The following RELN variants were observed in gnomAD, a reference collection of about 807,000 sequenced individuals.
The protein encoded by RELN is reelin.
A neutral mutation model predicts 427.6 loss-of-function variants in RELN; 108 were observed. That is an observed-to-expected ratio of 0.25 (90% CI 0.22 to 0.30). The LOEUF is 0.30. RELN is among the 10% of genes least tolerant of loss of function. The pLI is 1.00. For missense variants in RELN, 3,715 were observed against 4,302.8 expected, an observed-to-expected ratio of 0.86 and a Z score of 3.82; for synonymous variants, 1,524 against 1,513.4, an observed-to-expected ratio of 1.01 and a Z score of -0.16.
At chr7:103,794,537 G>GCAA (rs1262345969) in intron 3 of RELN, among the ~76,000 whole-genome samples, 1 of 152,002 alleles carries the variant, frequency 6.6e-6, no homozygotes, top group East Asian at 1.9e-4. Context: ...TATCTAAGTT[G>GCAA]CAACAACAAC....
intron 3 of RELN, among the ~76,000 whole-genome samples, chr7:103,807,103 G>A (rs750823523): frequency 6.6e-6 from 1 of 152,186 alleles, no homozygotes; most frequent in African/African-American, 2.4e-5. Context: ...AGCTTTAAAT[G>A]GCAACTGAGA....
rs1831730610 is a variant in RELN at position 103,603,533 on chromosome 7, T to C, written c.3147-43A>G. 4 of 1,475,256 alleles carry C rather than the reference T, an allele frequency of 2.7e-6. No individual in the cohort carries two copies. Among genetic ancestry groups the C allele is most frequent in the Non-Finnish European group, 3.8e-6 (4 of 1,053,836 alleles). 91.4% of individuals were successfully genotyped at this position (1,475,256 alleles called of 1,614,324 possible). Reference sequence around the variant, plus strand: ...TGAGTAGGCAGGTTACAGGCCCACCTGCCAATGCAATGGCCCTCTGACCTC... The same window carrying C: ...TGAGTAGGCAGGTTACAGGCCCACCCGCCAATGCAATGGCCCTCTGACCTC... On this transcript the variant is annotated intron_variant, in intron 23 of 64. Transcript: ENST00000428762. This position sits in a 1 kb window ranked among gnomAD's most constrained non-coding sequence, Gnocchi z 4.3.
At chr7:103,683,743 T>A (rs540759176) in intron 10 of RELN, among the ~76,000 whole-genome samples, 84 of 152,232 alleles carry the variant, frequency 5.5e-4, no homozygotes, top group African/African-American at 2.0e-3. Context: ...TCTTTGAAAA[T>A]TCTCTTCTTT....
chr7:103,782,428 C>T (rs1791914774), intron 3 of RELN, among the ~76,000 whole-genome samples: 1 of 152,132 alleles, frequency 6.6e-6, no homozygotes, highest in African/African-American at 2.4e-5. Context: ...AGGCAACAGA[C>T]TCCCTATCTG....
intron 16 of RELN, among the ~76,000 whole-genome samples, chr7:103,647,257 T>C (rs1832816619): frequency 1.3e-5 from 2 of 151,832 alleles, no homozygotes; most frequent in Non-Finnish European, 2.9e-5. Flanking sequence ...TTTGAAAATA[T>C]AAAGTCAAAT....
At chr7:103,606,633 G>T (rs1831826631) in intron 22 of RELN, among the ~76,000 whole-genome samples, 4 of 152,246 alleles carry the variant, frequency 2.6e-5, no homozygotes, top group Admixed American at 2.0e-4. Flanking sequence ...ATTAATTTGA[G>T]ATTTTTTTAC....
intron 53 of RELN, among the ~76,000 whole-genome samples, chr7:103,499,017 C>A (rs1374507167): frequency 6.6e-6 from 1 of 152,192 alleles, no homozygotes; most frequent in African/African-American, 2.4e-5. Flanking sequence ...TGTGCCCTCA[C>A]TTTGGAGACT....
At chr7:103,596,729 C>T (rs1221805354) in intron 24 of RELN, 68 bp from the exon 25 acceptor site, 2 of 1,351,790 alleles carry the variant, frequency 1.5e-6, no homozygotes, top group African/African-American at 1.4e-5. Context: ...TGTTTCAGTT[C>T]CAAATTCACA....
rs746764600 is a variant in RELN, at chr7:103,489,706, T to TCTC, written c.9763+33_9763+35dup. 142 of 1,611,306 alleles carry TCTC rather than the reference T, an allele frequency of 8.8e-5. No individual in the cohort carries two copies. The East Asian group carries it at 3.1e-3, about 36-fold the overall frequency. The stretch of plus-strand genomic sequence containing the variant: ...TGTTAAGATGAGGAGAACCTCTTGG[T>TCTC]CTCCTCTATCAAAGTTGGCAGCCTG... On this transcript the variant is annotated intron_variant, in intron 60 of 64. Coordinates refer to ENST00000428762, the MANE Select transcript of RELN (RefSeq NM_005045.4).
At chr7:103,738,639 C>CTCTTGGG (rs1393310989) in intron 6 of RELN, among the ~76,000 whole-genome samples, 1 of 144,028 alleles carries the variant, frequency 6.9e-6, no homozygotes, top group Non-Finnish European at 1.5e-5. Context: ...CTGGAATGAA[C>CTCTTGGG]TCTTGGGTCT....
chr7:103,945,600 A>G (rs1796204826), intron 1 of RELN, among the ~76,000 whole-genome samples: 1 of 152,106 alleles, frequency 6.6e-6, no homozygotes, highest in Non-Finnish European at 1.5e-5. Flanking sequence ...TAATCCCCGT[A>G]ACCAGGTTAC....
At chr7:103,499,214 T>G (rs902174168) in intron 53 of RELN, among the ~76,000 whole-genome samples, 4 of 152,212 alleles carry the variant, frequency 2.6e-5, no homozygotes, top group Non-Finnish European at 4.4e-5. Context: ...GTACTCAAAA[T>G]CTAGAATACA....
intron 1 of RELN, among the ~76,000 whole-genome samples, chr7:103,939,375 T>C (rs970938688): frequency 2.0e-5 from 3 of 152,176 alleles, no homozygotes; most frequent in Admixed American, 6.5e-5. Context: ...TATAAAAATA[T>C]ACTAACCTCA....
chr7:103,979,084 G>T (rs1005522692), intron 1 of RELN, among the ~76,000 whole-genome samples: 1 of 152,166 alleles, frequency 6.6e-6, no homozygotes, highest in Non-Finnish European at 1.5e-5. Context: ...GTCCAATGAG[G>T]CAAGTTTTTC....
At position 103,574,175 on chromosome 7, in the gene RELN, T is replaced by A. The variant is rs376838638; in HGVS notation, c.4428A>T (p.Thr1476=). 6.2e-7 allele frequency: 1 copy of A among 1,614,084 alleles called. No homozygotes were observed. The highest frequency in any genetic ancestry group is 1.7e-5 in the Admixed American group (1 of 60,008). Residue 1476 remains threonine (T), a synonymous_variant, in exon 30 of 65, where the codon ACA becomes ACT. Transcript: ENST00000428762. Reference sequence around the variant, plus strand: ...AGTAGAGAGATTTGCCATCGTTAAGTGTTCCACAGCCAGTTCCAACCTGGG... The same window carrying A: ...AGTAGAGAGATTTGCCATCGTTAAGAGTTCCACAGCCAGTTCCAACCTGGG... ...TGAQVGTGCG[T]LNDGKSLYFN...
chr7:103,852,558 T>C (rs1793849110), intron 2 of RELN, among the ~76,000 whole-genome samples: 1 of 152,176 alleles, frequency 6.6e-6, no homozygotes, highest in South Asian at 2.1e-4. Context: ...ACTATTACTA[T>C]ATTGCTAAAA....
At position 103,890,146 on chromosome 7, in the gene RELN, C is replaced by T. The variant is rs139482967; in HGVS notation, c.337+26929G>A. 1.1e-3 allele frequency among the ~76,000 whole-genome samples: 170 copies of T among 152,126 alleles called. 1 individual carries two copies. The highest frequency in any genetic ancestry group is 3.9e-3 in the African/African-American group (160 of 41,516). On this transcript the variant is annotated intron_variant, in intron 2 of 64. Coordinates refer to ENST00000428762, the MANE Select transcript of RELN (RefSeq NM_005045.4). Reference sequence around the variant, plus strand: ...TTCTCCTATGTCTTACAGGTCTTCACCATTGATACTGCAGTTATACCTATG... The same window carrying T: ...TTCTCCTATGTCTTACAGGTCTTCATCATTGATACTGCAGTTATACCTATG...
rs138645199 is a variant in RELN at position 103,520,101 on chromosome 7, C to T, written c.7669-585G>A. The stretch of plus-strand genomic sequence containing the variant: ...GTTTATTTGGGCCAAGGTTGAGTAT[C>T]GCAGCCCAGGACACATTTCCAAGTT... On this transcript the variant is annotated intron_variant, in intron 48 of 64. Transcript: ENST00000428762. 5.3e-3 allele frequency among the ~76,000 whole-genome samples: 807 copies of T among 151,254 alleles called. 7 individuals are homozygous for T. Among genetic ancestry groups the T allele is most frequent in the African/African-American group, 0.018 (745 of 41,246 alleles).
intron 11 of RELN, among the ~76,000 whole-genome samples, chr7:103,677,183 A>C (rs1461679464): frequency 6.7e-6 from 1 of 149,950 alleles, no homozygotes; most frequent in Non-Finnish European, 1.5e-5. Flanking sequence ...AACAGTGCAT[A>C]TTCTCACTTA....
Sources: gnomAD v4.1 joint callset for allele counts (sites outside exome capture counted in the v4.1 genomes callset) on GRCh38, gnomAD v4.1.1 for gene constraint, Gnocchi (gnomAD v3.1) non-coding constraint, MANE v1.5 for transcripts, NCBI Gene and HGNC (gene_info 2026-07-23, HGNC 2026-07-21) for gene names.